PIK3C2A: variants seen among roughly 807,000 people sequenced by gnomAD.
PIK3C2A encodes the protein phosphatidylinositol-4-phosphate 3-kinase catalytic subunit type 2 alpha, also known as phosphatidylinositol 4-phosphate 3-kinase C2 domain-containing subunit alpha.
PIK3C2A carries 97 observed loss-of-function variants against 204.5 expected under a neutral mutation model. The ratio of observed to expected loss-of-function variants is 0.47; its 90% CI spans 0.40 to 0.56. The LOEUF is 0.56. Among genes scored for constraint, PIK3C2A ranks in the 20% least tolerant of loss-of-function variants. The pLI is 0.00. For missense variants in PIK3C2A, 1,735 were observed against 1,969.2 expected (o/e 0.88, Z 2.25); for synonymous variants, 653 against 664.4 (o/e 0.98, Z 0.26).
intron 3 of PIK3C2A, among the ~76,000 whole-genome samples, chr11:17,153,466 C>T (rs1316707468): frequency 6.6e-6 from 1 of 150,720 alleles, no homozygotes; most frequent in African/African-American, 2.4e-5. Flanking sequence ...CTTTTCAGCA[C>T]CTGTAACTAG....
chr11:17,122,044 GA>G (rs1849383023), intron 15 of PIK3C2A, 143 bp downstream of exon 15: 7 of 436,732 alleles, frequency 1.6e-5, no homozygotes, highest in Non-Finnish European at 2.8e-5. Context: ...AAAAAAAAAG[GA>G]AAAAAAGTAA....
chr11:17,128,282 T>G (rs555057874), intron 13 of PIK3C2A, among the ~76,000 whole-genome samples: 2 of 151,656 alleles, frequency 1.3e-5, no homozygotes, highest in Admixed American at 1.3e-4. Flanking sequence ...GCTTTTTTTT[T>G]TTTTTGGCGG....
intron 27 of PIK3C2A, 31 bp downstream of exon 27, chr11:17,097,026 G>T: frequency 1.6e-6 from 2 of 1,241,948 alleles, no homozygotes; most frequent in Non-Finnish European, 2.4e-6. Flanking sequence ...ATACATGCAT[G>T]ATTGTTTATG....
chr11:17,197,075 G>T (rs1034360536), intron 1 of PIK3C2A, among the ~76,000 whole-genome samples: 1 of 151,922 alleles, frequency 6.6e-6, no homozygotes, highest in Admixed American at 6.5e-5. Flanking sequence ...GAGGTGGGAG[G>T]ATCACAAGGT....
At chr11:17,099,742 A>T in intron 26 of PIK3C2A, 118 bp downstream of exon 26, 1 of 547,786 alleles carries the variant, frequency 1.8e-6, no homozygotes, top group South Asian at 2.7e-5. Context: ...AATTACTATG[A>T]ATCAGAATTT....
At chr11:17,200,611 T>C (rs1005178453) in intron 1 of PIK3C2A, among the ~76,000 whole-genome samples, 2 of 152,160 alleles carry the variant, frequency 1.3e-5, no homozygotes, top group Admixed American at 1.3e-4. Context: ...CTGAAGGGAT[T>C]TACTTCAAAA....
Position 17,124,623 on chromosome 11 carries a change from C to T in PIK3C2A, c.2400-1810G>A, listed in dbSNP as rs550809330. Among the ~76,000 whole-genome samples, 433 of 152,288 alleles carry T rather than the reference C, an allele frequency of 2.8e-3. 3 individuals carry two copies. Among genetic ancestry groups the T allele is most frequent in the Non-Finnish European group, 3.7e-3 (253 of 68,014 alleles). ...AGCCACATGTAAACAAACTGGCCTT[C>T]ACACCTGGCTTTGTAAATAAACTTT... On this transcript the variant is annotated intron_variant, in intron 13 of 32. Transcript: ENST00000691414.
intron 1 of PIK3C2A, chr11:17,193,984 A>G (rs1852049344): frequency 5.5e-6 from 2 of 360,540 alleles, no homozygotes; most frequent in Admixed American, 7.8e-5. Flanking sequence ...GAACATGTGC[A>G]TTGCCAAGAA....
chr11:17,179,766 A>G (rs921101811), intron 1 of PIK3C2A, among the ~76,000 whole-genome samples: 2 of 151,960 alleles, frequency 1.3e-5, no homozygotes, highest in African/African-American at 2.4e-5. Flanking sequence ...TACCAGTATA[A>G]CCAGGCCTGG....
At chr11:17,183,841 G>T (rs1851652465) in intron 1 of PIK3C2A, among the ~76,000 whole-genome samples, 1 of 151,722 alleles carries the variant, frequency 6.6e-6, no homozygotes, top group Admixed American at 6.6e-5. Flanking sequence ...GCTCACACCT[G>T]TAGTCCCAGC....
At chr11:17,110,343 G>C in intron 22 of PIK3C2A, 89 bp downstream of exon 22, 1 of 842,180 alleles carries the variant, frequency 1.2e-6, no homozygotes, top group Non-Finnish European at 1.9e-6. Flanking sequence ...TGATACCAGG[G>C]TATCTGCATC....
intron 22 of PIK3C2A, among the ~76,000 whole-genome samples, chr11:17,107,329 TAA>T (rs1848858548): frequency 6.6e-6 from 1 of 151,616 alleles, no homozygotes; most frequent in South Asian, 2.1e-4. Flanking sequence ...TAAAAAAAAA[TAA>T]AATAAGTATC....
intron 8 of PIK3C2A, among the ~76,000 whole-genome samples, chr11:17,143,664 C>T (rs1281528477): frequency 2.6e-5 from 4 of 151,478 alleles, no homozygotes; most frequent in Non-Finnish European, 4.4e-5. Context: ...TGGGGCCAGG[C>T]GCAGTGGCTC....
At chr11:17,118,887 T>C in intron 17 of PIK3C2A, 148 bp from the exon 18 acceptor site, 1 of 548,748 alleles carries the variant, frequency 1.8e-6, no homozygotes, top group Non-Finnish European at 3.2e-6. Context: ...TGAATTAACC[T>C]ATGCCAAACT....
chr11:17,093,620 C>A (rs542020516), intron 28 of PIK3C2A, among the ~76,000 whole-genome samples: 9 of 149,282 alleles, frequency 6.0e-5, no homozygotes, highest in South Asian at 2.1e-4. Context: ...ATTATTTCTA[C>A]ACTGATTTAG....
intron 1 of PIK3C2A, chr11:17,193,879 A>AGGGG: frequency 8.2e-6 from 1 of 122,186 alleles, no homozygotes; most frequent in African/African-American, 5.5e-5. Flanking sequence ...AAAGAAAAGA[A>AGGGG]AAGAAAAGAA....
intron 2 of PIK3C2A, among the ~76,000 whole-genome samples, chr11:17,163,665 C>T (rs577143942): frequency 2.0e-5 from 3 of 152,144 alleles, no homozygotes; most frequent in African/African-American, 7.2e-5. Flanking sequence ...CCTCCCACCT[C>T]GGCCTCCCAA....
At chr11:17,164,559 T>C (rs141067835) in intron 2 of PIK3C2A, among the ~76,000 whole-genome samples, 36 of 152,344 alleles carry the variant, frequency 2.4e-4, no homozygotes, top group Non-Finnish European at 4.7e-4. Context: ...AGTAAAGCTG[T>C]TGATATGCTA....
In PIK3C2A at chr11:17,114,347, A is replaced by G; in HGVS notation, c.3321+14T>C. ...TCAAATGTAATATGAACTTATAAGT[A>G]TTTTATGTGTCACCTTAATATTTAA... On this transcript the variant is annotated intron_variant, in intron 20 of 32. Transcript: ENST00000691414. 8.1e-7 allele frequency: 1 copy of G among 1,232,572 alleles called. No individual in the cohort carries two copies. 76.4% of individuals were successfully genotyped at this position (1,232,572 alleles called of 1,614,324 possible). A position where few individuals can be genotyped will look rare whatever the true frequency, so the allele number is the denominator to read the frequency against.
Sources: gnomAD v4.1 joint callset for allele counts (sites outside exome capture counted in the v4.1 genomes callset) on GRCh38, gnomAD v4.1.1 for gene constraint, MANE v1.5 for transcripts, NCBI Gene and HGNC (gene_info 2026-07-23, HGNC 2026-07-21) for gene names.